The following RBM28 variants were observed in gnomAD, a reference collection of about 807,000 sequenced individuals.
RBM28 encodes RNA binding motif protein 28, also known as RNA-binding protein 28.
Under a neutral mutation model 98.3 loss-of-function variants are expected in RBM28, and 78 were observed. The observed-to-expected ratio is 0.79, with a 90% CI of 0.66 to 0.96. RBM28 has a LOEUF of 0.96. Ranked by LOEUF, RBM28 falls within the 40% of genes least tolerant of loss-of-function variation. RBM28 has a pLI of 0.00. For synonymous variants in RBM28, 306 were observed against 330.9 expected (o/e 0.92, Z 0.82); for missense variants, 838 against 913.0 (o/e 0.92, Z 1.06).
At position 128,313,158 on chromosome 7, in the gene RBM28, T is replaced by C. The variant is rs1796022874; in HGVS notation, c.2145+17A>G. On this transcript the variant is annotated intron_variant, in intron 18 of 18. Coordinates refer to ENST00000223073, the MANE Select transcript of RBM28 (RefSeq NM_018077.3). ...AGAACCATGCCATACCAAAGCTGTA[T>C]GTCCTGCAGAACTCACCTGCTCGGA... 1.2e-6 allele frequency: 2 copies of C among 1,605,626 alleles called. No individual in the cohort carries two copies. The highest frequency in any genetic ancestry group is 1.7e-6 in the Non-Finnish European group (2 of 1,172,416).
At chr7:128,311,069 A>G (rs1795973400) in intron 18 of RBM28, 138 bp from the exon 19 acceptor site, 4 of 838,664 alleles carry the variant, frequency 4.8e-6, no homozygotes, top group Non-Finnish European at 7.6e-6. Context: ...CTAGAGAGAG[A>G]CTCTTAGAGA....
At chr7:128,331,328 C>T (rs1436254593) in intron 9 of RBM28, among the ~76,000 whole-genome samples, 1 of 107,672 alleles carries the variant, frequency 9.3e-6, no homozygotes, top group African/African-American at 2.9e-5. Context: ...CTATGTTATA[C>T]CTTAAAAAAA....
At chr7:128,342,956 A>T (rs555361778) in intron 1 of RBM28, among the ~76,000 whole-genome samples, 1 of 152,222 alleles carries the variant, frequency 6.6e-6, no homozygotes, top group Admixed American at 6.5e-5. Flanking sequence ...CACTATACAC[A>T]TGCACATAGA....
At position 128,306,066 on chromosome 7, in the gene RBM28, C is replaced by A. The variant is rs1211671768; in HGVS notation, c.*4731G>T. ...AGTTCTTATAGTGGCTCATGATCTA[C>A]TTGGGAAGGCAAGACCTAAAGAAAT... is the stretch of plus-strand genomic sequence containing the variant. On this transcript the variant is annotated 3_prime_UTR_variant, in exon 19 of 19. Transcript: ENST00000223073. 6.6e-6 allele frequency: 1 copy of A among 152,194 alleles called. No individual in the cohort carries two copies. The allele number at this position is 152,194 out of a possible 1,614,324, so 9.4% of individuals were successfully genotyped here. A position where few individuals can be genotyped will look rare whatever the true frequency, so the allele number is the denominator to read the frequency against.
intron 1 of RBM28, among the ~76,000 whole-genome samples, chr7:128,340,087 C>A: frequency 6.6e-6 from 1 of 152,064 alleles, no homozygotes; most frequent in East Asian, 1.9e-4. Flanking sequence ...ACAGAGAATC[C>A]ATGACATATG....
In RBM28 at chr7:128,338,321, C is replaced by A; in HGVS notation, c.470G>T (p.Gly157Val). 1 of 1,614,052 alleles carries A rather than the reference C, an allele frequency of 6.2e-7. No individual in the cohort carries two copies. Residue 157 changes from glycine to valine, a missense_variant, in exon 5 of 19, where the codon GGT (glycine) becomes GTT (valine). Transcript: ENST00000223073. Reference sequence around the variant, plus strand: ...TAGGAGGTTTTTGAACTGAACAAAACCAAAACCGCGCATCTTCCCATCTGT... The same window carrying A: ...TAGGAGGTTTTTGAACTGAACAAAAACAAAACCGCGCATCTTCCCATCTGT... Reference protein sequence around the residue: ...RKPDGKMRGFGFVQFKNLLEA... With the variant: ...RKPDGKMRGFVFVQFKNLLEA...
Position 128,343,859 on chromosome 7 carries a change from G to T in RBM28, c.-66C>A, listed in dbSNP as rs1584669975. The T allele has an allele frequency of 1.7e-6, 2 of 1,205,290 alleles. No individual in the cohort carries two copies. The highest frequency in any genetic ancestry group is 1.5e-5 in the South Asian group (1 of 68,530). The allele number at this position is 1,205,290 out of a possible 1,614,324, so 74.7% of individuals were successfully genotyped here. ...TAGGCCGGCGCACGCGAGCCGAAAC[G>T]CTGGCTTTGGTAGGACAACCAAGCT... is the stretch of plus-strand genomic sequence containing the variant. On this transcript the variant is annotated 5_prime_UTR_variant, in exon 1 of 19. Coordinates refer to ENST00000223073, the MANE Select transcript of RBM28 (RefSeq NM_018077.3).
At chr7:128,339,548 G>C in intron 2 of RBM28, 85 bp downstream of exon 2, 1 of 1,491,954 alleles carries the variant, frequency 6.7e-7, no homozygotes, top group Non-Finnish European at 9.3e-7. Flanking sequence ...AGTTCTAGAA[G>C]CTACCTCCAT....
chr7:128,338,989 C>G (rs1181957728), intron 3 of RBM28, among the ~76,000 whole-genome samples, 188 bp from the exon 4 acceptor site: 1 of 152,198 alleles, frequency 6.6e-6, no homozygotes, highest in Non-Finnish European at 1.5e-5. Flanking sequence ...AAAACACAGA[C>G]GTCTGAGAAC....
At chr7:128,312,942 G>T (rs1228925515) in intron 18 of RBM28, 3 of 558,106 alleles carry the variant, frequency 5.4e-6, no homozygotes, top group Non-Finnish European at 9.6e-6. Flanking sequence ...AGCATGTTAT[G>T]GGGAATATGT....
At chr7:128,313,341 G>T in intron 17 of RBM28, 67 bp from the exon 18 acceptor site, 1 of 1,439,296 alleles carries the variant, frequency 6.9e-7, no homozygotes, top group Admixed American at 1.7e-5. Context: ...GGTTCTCTTT[G>T]TACACTGGCC....
At chr7:128,336,327 G>A (rs1426027003) in intron 6 of RBM28, among the ~76,000 whole-genome samples, 1 of 152,212 alleles carries the variant, frequency 6.6e-6, no homozygotes, top group Admixed American at 6.5e-5. Flanking sequence ...TCTCCAAGCA[G>A]TCTACCATTC....
chr7:128,321,132 C>T, intron 14 of RBM28, 134 bp downstream of exon 14: 2 of 1,275,956 alleles, frequency 1.6e-6, no homozygotes, highest in African/African-American at 1.5e-5. Context: ...CACCGCTGCA[C>T]TACAGCCTGG....
At chr7:128,335,186 T>C (rs1796570025) in intron 8 of RBM28, among the ~76,000 whole-genome samples, 1 of 152,254 alleles carries the variant, frequency 6.6e-6, no homozygotes, top group Admixed American at 6.5e-5. Flanking sequence ...GGTTATATCA[T>C]CTGTTTCATC....
chr7:128,313,994 G>A (rs1365210147), intron 17 of RBM28, among the ~76,000 whole-genome samples: 2 of 151,120 alleles, frequency 1.3e-5, no homozygotes, highest in African/African-American at 4.9e-5. Context: ...ACGGAGTCTC[G>A]CTCTTTCGCC....
At position 128,332,109 on chromosome 7, in the gene RBM28, C is replaced by T. The variant is rs902385059; in HGVS notation, c.1019+1181G>A. ...CTTCCTTCCTGTTAGACAGATCCTCCGCAAATACAAAATCATTTATATGGC... is the reference window on the plus strand; with the variant it reads ...CTTCCTTCCTGTTAGACAGATCCTCTGCAAATACAAAATCATTTATATGGC... On this transcript the variant is annotated intron_variant, in intron 9 of 18. Transcript: ENST00000223073. 5.3e-5 allele frequency among the ~76,000 whole-genome samples: 8 copies of T among 152,128 alleles called. No individual in the cohort carries two copies. The East Asian group carries it at 9.6e-4, about 18-fold the overall frequency.
intron 9 of RBM28, 99 bp from the exon 10 acceptor site, chr7:128,331,027 T>C: frequency 2.4e-6 from 2 of 825,094 alleles, no homozygotes; most frequent in South Asian, 2.8e-5. Flanking sequence ...AACTCTCCCT[T>C]GTTCAGAAAT....
chr7:128,342,854 C>T (rs1796756849), intron 1 of RBM28, among the ~76,000 whole-genome samples: 2 of 152,142 alleles, frequency 1.3e-5, no homozygotes, highest in Non-Finnish European at 2.9e-5. Flanking sequence ...CTGAATTGTT[C>T]TTCCTCCGGA....
chr7:128,341,287 C>A, intron 1 of RBM28: 2 of 792,702 alleles, frequency 2.5e-6, no homozygotes, highest in South Asian at 1.5e-5. Context: ...GCTGCCCACT[C>A]ACCTTTCAGA....
Sources: allele counts gnomAD v4.1 joint callset (sites outside exome capture counted in the v4.1 genomes callset), GRCh38; gene constraint gnomAD v4.1.1; transcripts MANE v1.5; gene names NCBI Gene and HGNC (gene_info 2026-07-23, HGNC 2026-07-21).